Variants in MMS22L observed in about 807,000 individuals in gnomAD.
The protein encoded by MMS22L is protein MMS22-like.
In MMS22L, 74 loss-of-function variants were observed where a neutral mutation model predicts 159.1. That is an observed-to-expected ratio of 0.47 (90% confidence interval 0.39 to 0.56). MMS22L has a LOEUF of 0.56. MMS22L is among the 20% of genes least tolerant of loss of function. The pLI is 0.00. For synonymous variants in MMS22L, 517 were observed against 506.9 expected, an observed-to-expected ratio of 1.02 and a Z score of -0.27; for missense variants, 1,351 against 1,422.1, an observed-to-expected ratio of 0.95 and a Z score of 0.80.
At chr6:97,186,349 G>GA in intron 15 of MMS22L, 148 bp downstream of exon 15, 1 of 543,932 alleles carries the variant, frequency 1.8e-6, no homozygotes, top group Middle Eastern at 5.0e-4. Flanking sequence ...TAAGCCAAAG[G>GA]ATCCCAATTT....
At chr6:97,212,415 A>G (rs914490156) in intron 14 of MMS22L, among the ~76,000 whole-genome samples, 1 of 152,226 alleles carries the variant, frequency 6.6e-6, no homozygotes, top group African/African-American at 2.4e-5. Flanking sequence ...CTATCATTGT[A>G]CTGATTCAGA....
At chr6:97,249,478 C>G (rs998915536) in intron 10 of MMS22L, among the ~76,000 whole-genome samples, 1 of 152,122 alleles carries the variant, frequency 6.6e-6, no homozygotes, top group Admixed American at 6.5e-5. Flanking sequence ...TAGGGACTGT[C>G]CCCTGAAACT....
intron 19 of MMS22L, among the ~76,000 whole-genome samples, chr6:97,172,408 AC>A (rs1803640345): frequency 6.6e-6 from 1 of 152,170 alleles, no homozygotes; most frequent in Non-Finnish European, 1.5e-5. Flanking sequence ...AAGGAAAAAA[AC>A]AAAAAACTTA....
At chr6:97,168,827 T>A (rs1207087811) in intron 19 of MMS22L, among the ~76,000 whole-genome samples, 2 of 152,084 alleles carry the variant, frequency 1.3e-5, no homozygotes, top group Admixed American at 6.6e-5. Flanking sequence ...CCCTCTGAGT[T>A]GCTAGGATGC....
At chr6:97,232,262 G>T (rs1810954558) in intron 12 of MMS22L, among the ~76,000 whole-genome samples, 1 of 152,100 alleles carries the variant, frequency 6.6e-6, no homozygotes, top group South Asian at 2.1e-4. Context: ...ACCCATTTTA[G>T]TGGTCCCACA....
At chr6:97,278,411 A>G (rs1201124867) in intron 4 of MMS22L, among the ~76,000 whole-genome samples, 1 of 151,954 alleles carries the variant, frequency 6.6e-6, no homozygotes, top group East Asian at 1.9e-4. Context: ...TCAAAAAAAA[A>G]AAAAGCAAAA....
rs181600743 is a variant in MMS22L, at chr6:97,278,810, G to A, written c.340+39C>T. On this transcript the variant is annotated intron_variant, in intron 4 of 24. Transcript: ENST00000683635. ...CCCATGTGCAACTCACTATAATGAA[G>A]CACCATTCCCTTTTGCATTAAACAC... 96 of 1,567,236 alleles carry A rather than the reference G, an allele frequency of 6.1e-5. 1 individual carries two copies. The African/African-American group carries it at 1.1e-3, about 18-fold the overall frequency.
chr6:97,206,770 C>G (rs1314980991), intron 14 of MMS22L, among the ~76,000 whole-genome samples: 1 of 152,066 alleles, frequency 6.6e-6, no homozygotes, highest in African/African-American at 2.4e-5. Context: ...AAACGCCCAT[C>G]ATAAGGACCA....
At chr6:97,176,855 C>T (rs1804177386) in intron 18 of MMS22L, among the ~76,000 whole-genome samples, 1 of 152,128 alleles carries the variant, frequency 6.6e-6, no homozygotes, top group Admixed American at 6.6e-5. Context: ...TCGTATCCCT[C>T]TGTTAATAAG....
chr6:97,220,957 GACACACACACACAC>G (rs71012586), intron 14 of MMS22L, among the ~76,000 whole-genome samples: 514 of 143,284 alleles, frequency 3.6e-3, no homozygotes, highest in African/African-American at 7.9e-3. Flanking sequence ...TAAGACCCCT[GACACACACACACAC>G]ACACACACAC....
chr6:97,281,166 A>G (rs1816723824), intron 3 of MMS22L, 71 bp downstream of exon 3: 6 of 1,452,696 alleles, frequency 4.1e-6, no homozygotes, highest in Non-Finnish European at 5.6e-6. Context: ...CAGTATTAGA[A>G]GCCACCCAAC....
intron 21 of MMS22L, among the ~76,000 whole-genome samples, chr6:97,162,701 C>T (rs953711237): frequency 2.0e-5 from 3 of 151,982 alleles, no homozygotes; most frequent in Non-Finnish European, 4.4e-5. Flanking sequence ...ACTCAGAGAA[C>T]TAATTTAGGA....
intron 14 of MMS22L, among the ~76,000 whole-genome samples, chr6:97,192,026 C>A (rs1357008761): frequency 6.6e-6 from 1 of 152,126 alleles, no homozygotes; most frequent in African/African-American, 2.4e-5. Context: ...AGTCCCAATC[C>A]TGTGCATGCC....
chr6:97,186,372 T>C, intron 15 of MMS22L, 125 bp downstream of exon 15: 4 of 646,576 alleles, frequency 6.2e-6, no homozygotes, highest in Non-Finnish European at 9.7e-6. Context: ...TAATATGTAA[T>C]TTGTTTCATC....
chr6:97,211,173 G>GTT, intron 14 of MMS22L, among the ~76,000 whole-genome samples: 1 of 151,946 alleles, frequency 6.6e-6, no homozygotes, highest in East Asian at 1.9e-4. Context: ...ACTGTTAGCT[G>GTT]TTTACTTTTG....
At chr6:97,179,806 T>C (rs1804520230) in intron 16 of MMS22L, among the ~76,000 whole-genome samples, 1 of 152,206 alleles carries the variant, frequency 6.6e-6, no homozygotes, top group African/African-American at 2.4e-5. Context: ...TTTCCACTGA[T>C]GGCATATGTG....
chr6:97,224,005 T>G (rs189777535), intron 14 of MMS22L, among the ~76,000 whole-genome samples: 1 of 152,302 alleles, frequency 6.6e-6, no homozygotes, highest in Non-Finnish European at 1.5e-5. Context: ...GGGTTTTTTA[T>G]GGCAATTGTT....
intron 24 of MMS22L, among the ~76,000 whole-genome samples, chr6:97,148,857 G>A (rs891862617): frequency 3.3e-5 from 5 of 151,204 alleles, no homozygotes; most frequent in Admixed American, 2.0e-4. Context: ...CCACTCACTC[G>A]CCGACCCACC....
intron 15 of MMS22L, among the ~76,000 whole-genome samples, chr6:97,184,388 T>C (rs929282753): frequency 1.8e-4 from 27 of 152,120 alleles, no homozygotes; most frequent in African/African-American, 5.6e-4. Flanking sequence ...ATTATTTATA[T>C]ATGGATGCTT....
Sources: gnomAD v4.1 joint callset for allele counts (sites outside exome capture counted in the v4.1 genomes callset) on GRCh38, gnomAD v4.1.1 for gene constraint, MANE v1.5 for transcripts, NCBI Gene and HGNC (gene_info 2026-07-23, HGNC 2026-07-21) for gene names.